DNMBP: variants seen among roughly 807,000 people sequenced by gnomAD.
DNMBP encodes dynamin-binding protein.
Under a neutral mutation model 150.0 loss-of-function variants are expected in DNMBP, and 87 were observed. The observed-to-expected ratio is 0.58, with a 90% CI of 0.49 to 0.69. The LOEUF (loss-of-function observed/expected upper bound fraction) is 0.69, where lower values mean the gene tolerates loss of function less well. Among genes scored for constraint, DNMBP ranks in the 30% least tolerant of loss-of-function variants. The pLI is 0.00. For synonymous variants in DNMBP, 711 were observed against 750.4 expected (o/e 0.95, Z 0.86); for missense variants, 1,774 against 1,949.0 (o/e 0.91, Z 1.69).
At chr10:99,962,426 T>C (rs1385979323) in intron 3 of DNMBP, among the ~76,000 whole-genome samples, 1 of 152,122 alleles carries the variant, frequency 6.6e-6, no homozygotes, top group Non-Finnish European at 1.5e-5. Context: ...GGTCAGGAGA[T>C]TGAGACCATC....
chr10:99,955,641 C>T lies in DNMBP; in HGVS notation c.1833G>A (p.Pro611=), dbSNP rs1192395508. 4 of 1,614,040 alleles carry T rather than the reference C, an allele frequency of 2.5e-6. No individual in the cohort carries two copies. The highest frequency in any genetic ancestry group is 2.2e-5 in the East Asian group (1 of 44,900). Residue 611 remains proline (P), a synonymous_variant, in exon 4 of 17, where the codon CCG becomes CCA. Transcript: ENST00000324109. ...ATACCGGAGTACAGGGACGAGGTGG[C>T]GGTGGCCTTAGGGCCTTTCTCCTTT... ...LPERRKALRP[P]PPRPCTPVST...
At position 99,965,896 on chromosome 10, in the gene DNMBP, C is replaced by T. The variant is rs138739670; in HGVS notation, c.268+3219G>A. ...TCTAATGGAAAAAGTGATTTTCAGT[C>T]TAGGAAGTTGAAGCGCCATCCCAAG... On this transcript the variant is annotated intron_variant, in intron 3 of 16. Transcript: ENST00000324109. Among the ~76,000 whole-genome samples the T allele has an allele frequency of 4.1e-4, 62 of 152,268 alleles. 1 individual carries two copies. The highest frequency in any genetic ancestry group is 9.9e-4 in the African/African-American group (41 of 41,546).
rs2040503950 is a variant in DNMBP at position 99,956,887 on chromosome 10, T to A, written c.587A>T (p.Glu196Val). 1 of 1,614,140 alleles carries A rather than the reference T, an allele frequency of 6.2e-7. No individual in the cohort carries two copies. The highest frequency in any genetic ancestry group is 8.5e-7 in the Non-Finnish European group (1 of 1,180,028). Residue 196 changes from glutamate (E) to valine (V), a missense_variant, in exon 4 of 17, where the codon GAA becomes GTA. Transcript: ENST00000324109. ...GGGCCCCAACAGCTCTACAAAACCTTCTGGAAAAATGCCTCTTCGGCCCTC... is the reference window on the plus strand; with the variant it reads ...GGGCCCCAACAGCTCTACAAAACCTACTGGAAAAATGCCTCTTCGGCCCTC... ...ELEGRRGIFPEGFVELLGPLR... is the reference protein window; with the variant it reads ...ELEGRRGIFPVGFVELLGPLR...
chr10:99,913,448 C>T (rs951603210), intron 4 of DNMBP, among the ~76,000 whole-genome samples: 2 of 152,070 alleles, frequency 1.3e-5, no homozygotes, highest in Non-Finnish European at 2.9e-5. Flanking sequence ...TAAAATGTAC[C>T]AAGCAGAAAA....
intron 11 of DNMBP, among the ~76,000 whole-genome samples, chr10:99,893,988 G>T (rs776293082): frequency 3.9e-5 from 6 of 151,988 alleles, no homozygotes; most frequent in Admixed American, 1.3e-4. Flanking sequence ...AAAAGTTAAG[G>T]ATCCCTTTTA....
intron 1 of DNMBP, among the ~76,000 whole-genome samples, chr10:99,972,693 C>T (rs1303045261): frequency 6.6e-6 from 1 of 152,254 alleles, no homozygotes; most frequent in Non-Finnish European, 1.5e-5. Context: ...TCACTGCAGC[C>T]TCCAGCTCCT....
At chr10:99,896,479 G>A (rs756580977) in intron 9 of DNMBP, 82 bp from the exon 10 acceptor site, 104 of 1,360,930 alleles carry the variant, frequency 7.6e-5, no homozygotes, top group Non-Finnish European at 9.2e-5. Context: ...ACACCCAAAC[G>A]GGAGCTAGTC....
chr10:99,906,516 C>T (rs970508707), intron 6 of DNMBP, among the ~76,000 whole-genome samples: 1 of 152,122 alleles, frequency 6.6e-6, no homozygotes, highest in African/African-American at 2.4e-5. Flanking sequence ...GTGTCATGTT[C>T]AAGATCAGGT....
At chr10:99,962,660 T>C (rs1589441069) in intron 3 of DNMBP, among the ~76,000 whole-genome samples, 1 of 150,850 alleles carries the variant, frequency 6.6e-6, no homozygotes, top group African/African-American at 2.4e-5. Context: ...AAACCACAAG[T>C]AATTTTTCCC....
rs17854135 is a variant in DNMBP at position 99,908,035 on chromosome 10, C to T, written c.2514G>A (p.Ser838=). 0.031 allele frequency: 50,668 copies of T among 1,612,148 alleles called. 960 individuals are homozygous for T. The highest frequency in any genetic ancestry group is 0.038 in the Non-Finnish European group (44,260 of 1,178,286). The change falls in exon 6 of 17, where the codon TCG becomes TCA. Residue 838 remains serine (S), a synonymous_variant. Coordinates refer to ENST00000324109, the MANE Select transcript of DNMBP (RefSeq NM_015221.4). ...FGNMQMVIKV[S]KQLLAALEIS... ...TTTCCAGAGCAGCCAATAATTGCTT[C>T]GAGACCTTAATCACCATCTGCATAT...
At chr10:99,903,203 A>G (rs890705428) in intron 6 of DNMBP, among the ~76,000 whole-genome samples, 3 of 151,160 alleles carry the variant, frequency 2.0e-5, no homozygotes, top group Admixed American at 6.6e-5. Flanking sequence ...GGCCTCCCAA[A>G]CTACTGAAAT....
At chr10:99,975,711 C>T (rs1451876599) in intron 1 of DNMBP, among the ~76,000 whole-genome samples, 1 of 152,158 alleles carries the variant, frequency 6.6e-6, no homozygotes, top group Non-Finnish European at 1.5e-5. Context: ...AAGCACTAGG[C>T]TTCTGTAGTC....
At chr10:99,950,861 C>A (rs1397537439) in intron 4 of DNMBP, among the ~76,000 whole-genome samples, 1 of 152,190 alleles carries the variant, frequency 6.6e-6, no homozygotes, top group African/African-American at 2.4e-5. Context: ...ATCCCATTTC[C>A]TGAAGAGAAA....
intron 1 of DNMBP, among the ~76,000 whole-genome samples, chr10:100,002,703 A>G (rs2133390806): frequency 6.6e-6 from 1 of 152,130 alleles, no homozygotes; most frequent in South Asian, 2.1e-4. Context: ...TAGGGTTAAT[A>G]AATATCTTCT....
At chr10:99,893,339 T>C (rs912301415) in intron 11 of DNMBP, among the ~76,000 whole-genome samples, 1 of 152,204 alleles carries the variant, frequency 6.6e-6, no homozygotes, top group African/African-American at 2.4e-5. Flanking sequence ...GTATGACTAG[T>C]TCTAATCTTT....
chr10:99,975,533 T>A (rs1412722682), intron 1 of DNMBP, among the ~76,000 whole-genome samples: 1 of 152,170 alleles, frequency 6.6e-6, no homozygotes, highest in Non-Finnish European at 1.5e-5. Context: ...ATCTTTGTGT[T>A]ACTTATTATA....
intron 1 of DNMBP, among the ~76,000 whole-genome samples, chr10:99,991,943 C>T (rs10159539): frequency 0.051 from 7,542 of 148,534 alleles, 216 homozygotes; most frequent in African/African-American, 0.077. Context: ...CAGCTTAGAG[C>T]GTATGTAAGT....
At chr10:100,004,399 G>A (rs957821220) in intron 1 of DNMBP, among the ~76,000 whole-genome samples, 2 of 152,000 alleles carry the variant, frequency 1.3e-5, no homozygotes, top group Admixed American at 1.3e-4. Flanking sequence ...CAGTCATTAG[G>A]ACATACTACA....
At chr10:99,931,671 A>T (rs1284156911) in intron 4 of DNMBP, among the ~76,000 whole-genome samples, 1 of 152,252 alleles carries the variant, frequency 6.6e-6, no homozygotes, top group African/African-American at 2.4e-5. Flanking sequence ...AAAGGCAGGT[A>T]AATGGCTATT....
Sources: allele counts gnomAD v4.1 joint callset (sites outside exome capture counted in the v4.1 genomes callset), GRCh38; gene constraint gnomAD v4.1.1; transcripts MANE v1.5; gene names NCBI Gene and HGNC (gene_info 2026-07-23, HGNC 2026-07-21).